TGFBR2: variants seen among roughly 807,000 people sequenced by gnomAD.
TGFBR2 encodes transforming growth factor beta receptor 2, also known as TGF-beta receptor type-2.
A neutral mutation model predicts 49.0 loss-of-function variants in TGFBR2; 18 were observed. The ratio of observed to expected loss-of-function variants is 0.37; its 90% CI spans 0.25 to 0.54. TGFBR2 has a LOEUF of 0.54. TGFBR2 is among the 20% of genes least tolerant of loss of function. The pLI is 0.85. For synonymous variants in TGFBR2, 282 were observed against 275.9 expected, an observed-to-expected ratio of 1.02 and a Z score of -0.22; for missense variants, 525 against 722.6, an observed-to-expected ratio of 0.73 and a Z score of 3.13.
chr3:30,660,881 C>T (rs1342641380), intron 3 of TGFBR2, among the ~76,000 whole-genome samples: 1 of 152,068 alleles, frequency 6.6e-6, no homozygotes, highest in African/African-American at 2.4e-5. Flanking sequence ...AAGGCAGGGA[C>T]CAGGGAGGCT....
At chr3:30,624,065 C>T (rs1292140796) in intron 1 of TGFBR2, among the ~76,000 whole-genome samples, 2 of 152,008 alleles carry the variant, frequency 1.3e-5, no homozygotes, top group African/African-American at 4.8e-5. Flanking sequence ...ATCGCTTGAA[C>T]CCAGGAGGTG....
chr3:30,652,128 G>C (rs1698901764), intron 3 of TGFBR2, among the ~76,000 whole-genome samples: 2 of 151,802 alleles, frequency 1.3e-5, no homozygotes, highest in South Asian at 2.1e-4. Context: ...CTGAAGGCAG[G>C]CATGCACATC....
intron 3 of TGFBR2, among the ~76,000 whole-genome samples, chr3:30,669,119 TACAA>T (rs1303124521): frequency 1.8e-4 from 1 of 5,576 alleles, no homozygotes; most frequent in East Asian, 4.1e-3. Context: ...CCACTAAAAA[TACAA>T]AAAAAAAAAA....
intron 1 of TGFBR2, among the ~76,000 whole-genome samples, chr3:30,643,244 G>A (rs1387643264): frequency 6.6e-6 from 1 of 152,172 alleles, no homozygotes; most frequent in Non-Finnish European, 1.5e-5. Flanking sequence ...CCTTGGAAAA[G>A]TACCTCACAA....
In TGFBR2 at chr3:30,639,135, T is replaced by G. The variant is rs943054794; in HGVS notation, c.95-5612T>G. The stretch of plus-strand genomic sequence containing the variant: ...TTAATTTCACTAACTCCAAAATGAC[T>G]GGAGAAAGGGAAACAATTATTAAAA... On this transcript the variant is annotated intron_variant, in intron 1 of 6. Transcript: ENST00000295754. 9.9e-5 allele frequency among the ~76,000 whole-genome samples: 15 copies of G among 152,250 alleles called. No homozygotes were observed. The East Asian group carries it at 2.1e-3, about 22-fold the overall frequency.
In TGFBR2 at chr3:30,606,937, G is replaced by A. The variant is rs139456857; in HGVS notation, c.54G>A (p.Thr18=). ...GLWPLHIVLW[T]RIASTIPPHV... is the part of the protein sequence containing the mutation. ...GGCCGCTGCACATCGTCCTGTGGAC[G>A]CGTATCGCCAGCACGATCCCACCGC... Residue 18 remains threonine, a synonymous_variant, in exon 1 of 7, where the codon ACG becomes ACA. Transcript: ENST00000295754. The A allele has an allele frequency of 1.2e-6, 2 of 1,602,068 alleles. No individual in the cohort carries two copies. Among genetic ancestry groups the A allele is most frequent in the Non-Finnish European group, 1.7e-6 (2 of 1,174,550 alleles).
intron 1 of TGFBR2, 128 bp from the exon 2 acceptor site, chr3:30,644,619 T>C: frequency 1.2e-6 from 1 of 843,314 alleles, no homozygotes; most frequent in Non-Finnish European, 2.0e-6. Flanking sequence ...GAAGGAATTA[T>C]TTTGCCTTTC....
chr3:30,694,023 G>C lies in TGFBR2; in HGVS notation c.*2424G>C, dbSNP rs1699755647. On this transcript the variant is annotated 3_prime_UTR_variant, in exon 7 of 7. Coordinates refer to ENST00000295754, the MANE Select transcript of TGFBR2 (RefSeq NM_003242.6). ...ACTCTTTTTATATCAAAAGTCTCAA[G>C]CACTTATTTTTATTCTATGCATTGT... The C allele has an allele frequency of 4.4e-6, 1 of 229,796 alleles. No homozygotes were observed. The highest frequency in any genetic ancestry group is 1.8e-4 in the South Asian group (1 of 5,494). 14.2% of individuals were successfully genotyped at this position (229,796 alleles called of 1,614,324 possible). A position where few individuals can be genotyped will look rare whatever the true frequency, so the allele number is the denominator to read the frequency against.
intron 1 of TGFBR2, among the ~76,000 whole-genome samples, chr3:30,642,529 C>G (rs1400071521): frequency 6.6e-6 from 1 of 152,116 alleles, no homozygotes; most frequent in African/African-American, 2.4e-5. Flanking sequence ...TCAACATGCT[C>G]TCCAAGTTGA....
intron 1 of TGFBR2, among the ~76,000 whole-genome samples, chr3:30,626,967 T>G (rs547757716): frequency 6.6e-6 from 1 of 152,314 alleles, no homozygotes; most frequent in East Asian, 1.9e-4. Context: ...TTGGGCTAAA[T>G]TCTCTGAGTC....
rs1698379739 is a variant in TGFBR2, at chr3:30,628,553, T to TTC, written c.95-16194_95-16193insTC. Among the ~76,000 whole-genome samples the TTC allele has an allele frequency of 2.2e-5, 3 of 134,182 alleles. No individual in the cohort carries two copies. In the East Asian group the frequency reaches 6.0e-4, roughly 27 times the overall value. The allele number at this position is 134,182 out of a possible 152,430, so 88.0% of individuals were successfully genotyped here. A position where few individuals can be genotyped will look rare whatever the true frequency, so the allele number is the denominator to read the frequency against. On this transcript the variant is annotated intron_variant, in intron 1 of 6. Coordinates refer to ENST00000295754, the MANE Select transcript of TGFBR2 (RefSeq NM_003242.6). Reference sequence around the variant, plus strand: ...GTTTTTTTTTTTTTTTTTTTTTTTTTCTCTAAAATGTTAATTTCCTTTCTT... The same window carrying TTC: ...GTTTTTTTTTTTTTTTTTTTTTTTTTTCCTCTAAAATGTTAATTTCCTTTCTT...
chr3:30,607,321 C>A (rs552068781), intron 1 of TGFBR2, among the ~76,000 whole-genome samples: 1 of 152,208 alleles, frequency 6.6e-6, no homozygotes, highest in African/African-American at 2.4e-5. Flanking sequence ...GAGCAGCGGC[C>A]CGGAGCGGCA....
At chr3:30,688,628 C>A in intron 6 of TGFBR2, 117 bp downstream of exon 6, 8 of 1,429,568 alleles carry the variant, frequency 5.6e-6, no homozygotes, top group Non-Finnish European at 6.7e-6. Flanking sequence ...TGTTCTATGG[C>A]CCTGTTAAAT....
chr3:30,606,634 G>A lies in TGFBR2; in HGVS notation c.-250G>A, dbSNP rs1276006966. ...GCACGGAGCGACGACACCCCCGCGC[G>A]TGCACCCGCTCGGGACAGGAGCCGG... is the stretch of plus-strand genomic sequence containing the variant. On this transcript the variant is annotated 5_prime_UTR_variant, in exon 1 of 7. It adds an upstream start codon to the 5' untranslated region. Transcript: ENST00000295754. 1.4e-5 allele frequency: 5 copies of A among 363,904 alleles called. No individual in the cohort carries two copies. Among genetic ancestry groups the A allele is most frequent in the Non-Finnish European group, 2.5e-5 (5 of 202,614 alleles). The allele number at this position is 363,904 out of a possible 1,614,324, so 22.5% of individuals were successfully genotyped here. A position where few individuals can be genotyped will look rare whatever the true frequency, so the allele number is the denominator to read the frequency against.
intron 1 of TGFBR2, among the ~76,000 whole-genome samples, chr3:30,613,868 G>T (rs758041593): frequency 8.5e-5 from 13 of 152,166 alleles, no homozygotes; most frequent in Non-Finnish European, 1.6e-4. Flanking sequence ...GCCTCTATTT[G>T]CTCACTTGCC....
intron 1 of TGFBR2, among the ~76,000 whole-genome samples, chr3:30,643,116 G>T (rs1337252953): frequency 6.6e-6 from 1 of 152,178 alleles, no homozygotes; most frequent in Non-Finnish European, 1.5e-5. Flanking sequence ...AAGTATCTAT[G>T]ACAGAATCCT....
intron 1 of TGFBR2, among the ~76,000 whole-genome samples, chr3:30,613,939 G>A (rs1007686597): frequency 6.6e-6 from 1 of 152,116 alleles, no homozygotes; most frequent in South Asian, 2.1e-4. Flanking sequence ...AGAGATGTTG[G>A]GTAGAAATAA....
At chr3:30,633,809 C>T (rs981369816) in intron 1 of TGFBR2, among the ~76,000 whole-genome samples, 1 of 152,124 alleles carries the variant, frequency 6.6e-6, no homozygotes, top group African/African-American at 2.4e-5. Flanking sequence ...GAGTTCAGGC[C>T]AAACAGAACA....
chr3:30,691,429 A>G lies in TGFBR2; in HGVS notation c.1534A>G (p.Met512Val). ...CTCTTTCCCGCTACAGGGCATCCAG[A>G]TGGTGTGTGAGACGTTGACTGAGTG... ...SFWLNHQGIQ[M>V]VCETLTECWD... Residue 512 changes from methionine (M) to valine (V), a missense_variant, in exon 7 of 7, where the codon ATG becomes GTG. Physicochemically the swap from Met to Val is conservative, Grantham distance 21. This residue lies in a region of TGFBR2 where 104 missense variants were observed against 133.4 expected (regional missense o/e 0.78). Transcript: ENST00000295754. The G allele has an allele frequency of 6.2e-7, 1 of 1,613,970 alleles. No individual in the cohort carries two copies. Among genetic ancestry groups the G allele is most frequent in the Admixed American group, 1.7e-5 (1 of 60,018 alleles).
Sources: gnomAD v4.1 joint callset for allele counts (sites outside exome capture counted in the v4.1 genomes callset) on GRCh38, gnomAD v4.1.1 for gene constraint, gnomAD v4.1.1 regional missense constraint, MANE v1.5 for transcripts, NCBI Gene and HGNC (gene_info 2026-07-23, HGNC 2026-07-21) for gene names.